Variants in ENTHD1 observed in about 807,000 individuals in gnomAD.
ENTHD1 encodes ENTH domain containing 1, also known as ENTH domain-containing protein 1.
ENTHD1 carries 23 observed loss-of-function variants against 39.1 expected under a neutral mutation model. The ratio of observed to expected loss-of-function variants is 0.59; its 90% CI spans 0.42 to 0.83. The LOEUF (loss-of-function observed/expected upper bound fraction) is 0.83. Ranked by LOEUF, ENTHD1 falls within the 40% of genes least tolerant of loss-of-function variation. The pLI is 0.00. For missense variants in ENTHD1, 624 were observed against 705.4 expected (o/e 0.88, Z 1.31); for synonymous variants, 230 against 258.2 (o/e 0.89, Z 1.05).
Position 39,870,268 on chromosome 22 carries a change from CAA to C in ENTHD1, c.350-8263_350-8262del, listed in dbSNP as rs566947191. ...AAGTGATCCACCTGCCTTGACCTCC[CAA>C]AGTGATGGGATTACAGGTATGAGCC... is the stretch of plus-strand genomic sequence containing the variant. On this transcript the variant is annotated intron_variant, in intron 2 of 6. Coordinates refer to ENST00000325157, the MANE Select transcript of ENTHD1 (RefSeq NM_152512.4). Among the ~76,000 whole-genome samples, 725 of 152,044 alleles carry C rather than the reference CAA, an allele frequency of 4.8e-3. 6 individuals are homozygous for C. The highest frequency in any genetic ancestry group is 0.017 in the African/African-American group (700 of 41,442).
chr22:39,833,162 A>G (rs2065883361), intron 4 of ENTHD1, among the ~76,000 whole-genome samples: 2 of 152,260 alleles, frequency 1.3e-5, no homozygotes, highest in South Asian at 2.1e-4. Flanking sequence ...TGAGGCATTG[A>G]TCCTTAGGGT....
At chr22:39,852,744 A>G (rs2066053249) in intron 3 of ENTHD1, among the ~76,000 whole-genome samples, 1 of 152,236 alleles carries the variant, frequency 6.6e-6, no homozygotes, top group Admixed American at 6.5e-5. Context: ...AACATAGAAA[A>G]GGTACAGTAA....
chr22:39,815,773 A>G (rs988709798), intron 5 of ENTHD1, among the ~76,000 whole-genome samples: 1 of 152,244 alleles, frequency 6.6e-6, no homozygotes, highest in Non-Finnish European at 1.5e-5. Context: ...ATGCATTATA[A>G]TATATACATA....
intron 2 of ENTHD1, among the ~76,000 whole-genome samples, chr22:39,876,912 G>A (rs144544161): frequency 5.9e-5 from 9 of 152,288 alleles, no homozygotes; most frequent in African/African-American, 2.2e-4. Flanking sequence ...CCCAAGGCAA[G>A]GTACTAAGTG....
intron 3 of ENTHD1, among the ~76,000 whole-genome samples, chr22:39,848,527 C>T (rs935764324): frequency 2.6e-5 from 4 of 152,202 alleles, no homozygotes; most frequent in African/African-American, 9.6e-5. Context: ...GCTGGGATTA[C>T]AGGCATGAGC....
At chr22:39,858,887 C>A (rs1311909647) in intron 3 of ENTHD1, among the ~76,000 whole-genome samples, 2 of 152,198 alleles carry the variant, frequency 1.3e-5, no homozygotes, top group Non-Finnish European at 2.9e-5. Flanking sequence ...AGCTTTGAAG[C>A]CAGGCATTGA....
At chr22:39,881,563 G>T (rs543879991) in intron 2 of ENTHD1, among the ~76,000 whole-genome samples, 1 of 152,334 alleles carries the variant, frequency 6.6e-6, no homozygotes, top group South Asian at 2.1e-4. Context: ...GACAGGCACT[G>T]CTGAGGATAC....
intron 5 of ENTHD1, among the ~76,000 whole-genome samples, chr22:39,820,042 C>A (rs1261440929): frequency 6.6e-6 from 1 of 152,182 alleles, no homozygotes; most frequent in Non-Finnish European, 1.5e-5. Flanking sequence ...CTAATGCCAT[C>A]CTTATACAAA....
chr22:39,856,955 C>T (rs1049362546), intron 3 of ENTHD1, among the ~76,000 whole-genome samples: 38 of 151,786 alleles, frequency 2.5e-4, no homozygotes, highest in African/African-American at 9.0e-4. Flanking sequence ...ATTTACTTAA[C>T]AGGCTTAGAA....
Position 39,845,622 on chromosome 22 carries a change from T to A in ENTHD1, c.593-9664A>T, listed in dbSNP as rs180770324. On this transcript the variant is annotated intron_variant, in intron 3 of 6. Coordinates refer to ENST00000325157, the MANE Select transcript of ENTHD1 (RefSeq NM_152512.4). ...TTCCTCACAATATGGCATTCATTTTTGAAGTTATTGTAAATTATATCTTTC... is the reference window on the plus strand; with the variant it reads ...TTCCTCACAATATGGCATTCATTTTAGAAGTTATTGTAAATTATATCTTTC... 3.6e-3 allele frequency among the ~76,000 whole-genome samples: 544 copies of A among 152,354 alleles called. 5 individuals carry two copies. Among genetic ancestry groups the A allele is most frequent in the African/African-American group, 0.011 (478 of 41,576 alleles).
At chr22:39,750,168 G>T in intron 6 of ENTHD1, 1 of 208,858 alleles carries the variant, frequency 4.8e-6, no homozygotes, top group South Asian at 9.2e-5. Flanking sequence ...TGCTGATTTG[G>T]GAAAATAAAG....
At chr22:39,818,796 C>G (rs1253398626) in intron 5 of ENTHD1, among the ~76,000 whole-genome samples, 3 of 152,166 alleles carry the variant, frequency 2.0e-5, no homozygotes, top group Admixed American at 6.5e-5. Flanking sequence ...TGGGATCCCC[C>G]CTCCGGCTAC....
At chr22:39,851,672 C>G (rs567089653) in intron 3 of ENTHD1, among the ~76,000 whole-genome samples, 3 of 152,304 alleles carry the variant, frequency 2.0e-5, no homozygotes, top group African/African-American at 4.8e-5. Flanking sequence ...CTCAAGACAG[C>G]CCCCAAACTC....
intron 5 of ENTHD1, among the ~76,000 whole-genome samples, chr22:39,797,443 C>T (rs1190039963): frequency 6.6e-6 from 1 of 152,158 alleles, no homozygotes; most frequent in Non-Finnish European, 1.5e-5. Context: ...TTGTTCCTTT[C>T]TCTCATTGTT....
At chr22:39,869,909 T>A (rs1004039837) in intron 2 of ENTHD1, among the ~76,000 whole-genome samples, 30 of 151,922 alleles carry the variant, frequency 2.0e-4, no homozygotes, top group Admixed American at 1.6e-3. Flanking sequence ...GAGATTTTTT[T>A]AAAAAAATTC....
chr22:39,887,912 A>G lies in ENTHD1; in HGVS notation c.-155-9T>C. On this transcript the variant is annotated splice_polypyrimidine_tract_variant and intron_variant, in intron 1 of 6. Coordinates refer to ENST00000325157, the MANE Select transcript of ENTHD1 (RefSeq NM_152512.4). ...GATAAAGTATCAATTTCCTGCAAGG[A>G]AAGCACAAAAAAATTTACATTAAAC... The G allele has an allele frequency of 3.7e-6, 2 of 543,530 alleles. No individual in the cohort carries two copies. Among genetic ancestry groups the G allele is most frequent in the Non-Finnish European group, 6.2e-6 (2 of 322,296 alleles). 33.7% of individuals were successfully genotyped at this position (543,530 alleles called of 1,614,324 possible). A position where few individuals can be genotyped will look rare whatever the true frequency, so the allele number is the denominator to read the frequency against.
At chr22:39,883,003 C>CA (rs58964198) in intron 2 of ENTHD1, among the ~76,000 whole-genome samples, 1,223 of 47,662 alleles carry the variant, frequency 0.026, 29 homozygotes, top group African/African-American at 0.044. Flanking sequence ...GACTTCATCT[C>CA]AAAAAAAAAA....
At chr22:39,820,502 G>C (rs987057434) in intron 5 of ENTHD1, among the ~76,000 whole-genome samples, 6 of 152,164 alleles carry the variant, frequency 3.9e-5, no homozygotes, top group African/African-American at 1.4e-4. Context: ...AGATCCTCAA[G>C]GATCCAGAGT....
chr22:39,745,894 G>A (rs11704363), intron 6 of ENTHD1, among the ~76,000 whole-genome samples: 14,901 of 152,148 alleles, frequency 0.098, 859 homozygotes, highest in Middle Eastern at 0.13. Context: ...AGGGGTTGGA[G>A]CCATTCGAAT....
Sources: gnomAD v4.1 joint callset for allele counts (sites outside exome capture counted in the v4.1 genomes callset) on GRCh38, gnomAD v4.1.1 for gene constraint, MANE v1.5 for transcripts, NCBI Gene and HGNC (gene_info 2026-07-23, HGNC 2026-07-21) for gene names.